APC: variants seen among roughly 807,000 people sequenced by gnomAD.
The protein encoded by APC is adenomatous polyposis coli protein.
A neutral mutation model predicts 247.0 loss-of-function variants in APC; 72 were observed. The observed-to-expected ratio is 0.29, with a 90% CI of 0.24 to 0.35. APC has a LOEUF of 0.35. Ranked by LOEUF, APC falls within the 10% of genes least tolerant of loss-of-function variation. The pLI, the probability that APC is intolerant of heterozygous loss-of-function variation, is 1.00. For missense variants in APC, 3,400 were observed against 3,360.7 expected, an observed-to-expected ratio of 1.01 and a Z score of -0.29; for synonymous variants, 1,254 against 1,162.5, an observed-to-expected ratio of 1.08 and a Z score of -1.60.
At position 112,842,360 on chromosome 5, in the gene APC, C is replaced by G. The variant is rs1253813996; in HGVS notation, c.6766C>G (p.Pro2256Ala). Reference sequence around the variant, plus strand: ...TAAAAAAGGCCCACCCCTTAAGACTCCAGCCTCCAAAAGCCCTAGTGAAGG... The same window carrying G: ...TAAAAAAGGCCCACCCCTTAAGACTGCAGCCTCCAAAAGCCCTAGTGAAGG... ...VSKKGPPLKTPASKSPSEGQT... is the reference protein window; with the variant it reads ...VSKKGPPLKTAASKSPSEGQT... Residue 2256 changes from proline (P) to alanine (A), a missense_variant, in exon 16 of 16, where the codon CCA becomes GCA. Around this residue, in one of 9 missense-constraint regions of APC, gnomAD observed 1,788 missense variants for 1,649.5 expected, o/e 1.08. Coordinates refer to ENST00000257430, the MANE Select transcript of APC (RefSeq NM_000038.6). 1.2e-6 allele frequency: 2 copies of G among 1,613,892 alleles called. No individual in the cohort carries two copies. The highest frequency in any genetic ancestry group is 1.7e-6 in the Non-Finnish European group (2 of 1,179,928).
At chr5:112,755,446 A>G (rs1754863193) in intron 2 of APC, among the ~76,000 whole-genome samples, 1 of 152,140 alleles carries the variant, frequency 6.6e-6, no homozygotes, top group Non-Finnish European at 1.5e-5. Flanking sequence ...GATCAAGAAA[A>G]TCAGGATACC....
chr5:112,751,003 T>C (rs563199447), intron 1 of APC, among the ~76,000 whole-genome samples: 1 of 152,256 alleles, frequency 6.6e-6, no homozygotes, highest in East Asian at 1.9e-4. Flanking sequence ...TTTAATCATA[T>C]ACTGAATTTA....
chr5:112,844,021 G>A lies in APC; in HGVS notation c.8427G>A (p.Val2809=), dbSNP rs2150005169. ...GGCCATCTCAGATCCCAACTCCAGT[G>A]AATAACAACACAAAGAAGCGAGATT... is the stretch of plus-strand genomic sequence containing the variant. ...SARPSQIPTP[V]NNNTKKRDSK... Residue 2809 remains valine, a synonymous_variant, in exon 16 of 16, where the codon GTG becomes GTA. Coordinates refer to ENST00000257430, the MANE Select transcript of APC (RefSeq NM_000038.6). 6.2e-7 allele frequency: 1 copy of A among 1,602,414 alleles called. No individual in the cohort carries two copies. The highest frequency in any genetic ancestry group is 8.5e-7 in the Non-Finnish European group (1 of 1,176,398).
chr5:112,763,459 G>A (rs1755898440), intron 2 of APC, among the ~76,000 whole-genome samples: 1 of 151,096 alleles, frequency 6.6e-6, no homozygotes, highest in Admixed American at 6.6e-5. Context: ...AAAATGCTAT[G>A]GTTTATTTAA....
chr5:112,800,805 T>G (rs1285081462), intron 7 of APC, among the ~76,000 whole-genome samples: 1 of 152,082 alleles, frequency 6.6e-6, no homozygotes, highest in African/African-American at 2.4e-5. Flanking sequence ...ATCATTTTAT[T>G]TCACCTAACT....
rs10071425 is a variant in APC, at chr5:112,744,185, T to G, written c.-19+6260T>G. 0.4 allele frequency among the ~76,000 whole-genome samples: 60,927 copies of G among 151,778 alleles called. 14,727 individuals are homozygous for G. The highest frequency in any genetic ancestry group is 0.67 in the East Asian group (3,436 of 5,142). On this transcript the variant is annotated intron_variant, in intron 1 of 15. Coordinates refer to ENST00000257430, the MANE Select transcript of APC (RefSeq NM_000038.6). Reference sequence around the variant, plus strand: ...TGAAACACAGTTCAACCCATAACACTCCCTTAATACTTGGTACCTTGTGAA... The same window carrying G: ...TGAAACACAGTTCAACCCATAACACGCCCTTAATACTTGGTACCTTGTGAA...
intron 5 of APC, among the ~76,000 whole-genome samples, chr5:112,779,760 A>G (rs1046966585): frequency 1.3e-5 from 2 of 152,120 alleles, no homozygotes; most frequent in African/African-American, 2.4e-5. Flanking sequence ...CATGCAGACT[A>G]TTTCATCTCT....
At chr5:112,731,394 G>C (rs73216237) in intron 1 of APC, among the ~76,000 whole-genome samples, 4,028 of 152,300 alleles carry the variant, frequency 0.026, 187 homozygotes, top group African/African-American at 0.093. Context: ...AGCATCTGGT[G>C]AGGGCCTTCT....
In APC at chr5:112,838,048, C is replaced by T. The variant is rs1554084178; in HGVS notation, c.2454C>T (p.Asn818=). 6.2e-7 allele frequency: 1 copy of T among 1,614,040 alleles called. No homozygotes were observed. The highest frequency in any genetic ancestry group is 1.3e-5 in the African/African-American group (1 of 74,920). The part of the protein sequence containing the change: ...DNRSDNFNTG[N]MTVLSPYLNT... ...GGTCAGACAATTTTAATACTGGCAA[C>T]ATGACTGTCCTTTCACCATATTTGA... Residue 818 remains asparagine, a synonymous_variant, in exon 16 of 16, where the codon AAC becomes AAT. Coordinates refer to ENST00000257430, the MANE Select transcript of APC (RefSeq NM_000038.6).
chr5:112,830,510 A>G (rs943998310), intron 14 of APC, among the ~76,000 whole-genome samples: 10 of 152,364 alleles, frequency 6.6e-5, no homozygotes, highest in Admixed American at 2.0e-4. Context: ...TTTAAGTTAA[A>G]CATACACCTG....
rs777881096 is a variant in APC, at chr5:112,838,464, A to T, written c.2870A>T (p.Lys957Met). Residue 957 changes from lysine to methionine, a missense_variant, in exon 16 of 16, where the codon AAG becomes ATG. Physicochemically the swap from Lys to Met is moderately conservative, Grantham distance 95. Around this residue, in one of 9 missense-constraint regions of APC, gnomAD observed 715 missense variants for 656.6 expected, o/e 1.09. Coordinates refer to ENST00000257430, the MANE Select transcript of APC (RefSeq NM_000038.6). ...ATGCCTTATGCCAAATTAGAATACAAGAGATCTTCAAATGATAGTTTAAAT... is the reference window on the plus strand; with the variant it reads ...ATGCCTTATGCCAAATTAGAATACATGAGATCTTCAAATGATAGTTTAAAT... ...CSMPYAKLEYKRSSNDSLNSV... is the reference protein window; with the variant it reads ...CSMPYAKLEYMRSSNDSLNSV... 6.2e-7 allele frequency: 1 copy of T among 1,614,250 alleles called. No individual in the cohort carries two copies. Among genetic ancestry groups the T allele is most frequent in the Admixed American group, 1.7e-5 (1 of 60,028 alleles).
intron 4 of APC, among the ~76,000 whole-genome samples, chr5:112,771,817 T>A (rs963189838): frequency 1.1e-4 from 16 of 152,178 alleles, no homozygotes; most frequent in African/African-American, 3.9e-4. Flanking sequence ...CTTCTTAAAG[T>A]CATAGTTTAT....
In APC at chr5:112,707,561, G is replaced by A. The variant is rs1554060197; in HGVS notation, c.-157G>A. On this transcript the variant is annotated 5_prime_UTR_variant, in exon 1 of 14. Coordinates refer to the APC transcript ENST00000507379. ...GCAAGTAGCAAGGGGGCGGGGTGTG[G>A]CCGCCGGAAGCCTAGCCGCTGCTCG... The A allele has an allele frequency of 4.3e-6, 3 of 690,796 alleles. No individual in the cohort carries two copies. The highest frequency in any genetic ancestry group is 6.6e-6 in the Non-Finnish European group (3 of 451,870). The allele number at this position is 690,796 out of a possible 1,614,324, so 42.8% of individuals were successfully genotyped here.
rs776079894 is a variant in APC at position 112,839,267 on chromosome 5, G to A, written c.3673G>A (p.Ala1225Thr). The change falls in exon 16 of 16, where the codon GCC becomes ACC. Residue 1225 changes from alanine (A) to threonine (T), a missense_variant. Coordinates refer to ENST00000257430, the MANE Select transcript of APC (RefSeq NM_000038.6). The surrounding 1 kb of genome is among the most constrained non-coding windows in gnomAD (Gnocchi z 5.0). ...SENTSTPSSN[A>T]KRQNQLHPSS... ...GAATACGTCCACACCTTCATCTAATGCCAAGAGGCAGAATCAGCTCCATCC... is the reference window on the plus strand; with the variant it reads ...GAATACGTCCACACCTTCATCTAATACCAAGAGGCAGAATCAGCTCCATCC... 1 of 1,614,112 alleles carries A rather than the reference G, an allele frequency of 6.2e-7. No individual in the cohort carries two copies. The highest frequency in any genetic ancestry group is 1.7e-5 in the Admixed American group (1 of 60,008).
chr5:112,792,263 A>G (rs2149683298), intron 6 of APC, among the ~76,000 whole-genome samples, 183 bp from the exon 7 acceptor site: 2 of 152,278 alleles, frequency 1.3e-5, no homozygotes, highest in African/African-American at 4.8e-5. Flanking sequence ...AAAGAAAAAA[A>G]GAAAAGAAAA....
chr5:112,737,005 G>T (rs971389078), upstream of APC, among the ~76,000 whole-genome samples: 4 of 152,146 alleles, frequency 2.6e-5, no homozygotes, highest in Non-Finnish European at 4.4e-5. Context: ...CAGAATTTAA[G>T]TTTAACTTTA....
chr5:112,775,928 T>A (rs565250666), intron 5 of APC, among the ~76,000 whole-genome samples, 191 bp downstream of exon 5: 1 of 152,216 alleles, frequency 6.6e-6, no homozygotes, highest in African/African-American at 2.4e-5. Context: ...TAAAACTTTA[T>A]TGTGCTCAAA....
chr5:112,842,479 A>G lies in APC; in HGVS notation c.6885A>G (p.Ser2295=), dbSNP rs763506865. The G allele has an allele frequency of 3.1e-6, 5 of 1,614,042 alleles. No homozygotes were observed. The Admixed American group carries it at 6.7e-5, about 22-fold the overall frequency. The change falls in exon 16 of 16, where the codon TCA becomes TCG. Residue 2295 remains serine (S), a synonymous_variant. Coordinates refer to ENST00000257430, the MANE Select transcript of APC (RefSeq NM_000038.6). ...GGCAGACATCCCAAATAGGTGGGTC[A>G]AGTAAAGCACCTTCTAGATCAGGAT... is the stretch of plus-strand genomic sequence containing the variant. ...VARQTSQIGG[S]SKAPSRSGSR... is the part of the protein sequence containing the mutation.
intron 2 of APC, among the ~76,000 whole-genome samples, chr5:112,764,078 TAAAAAA>T (rs36096224): frequency 7.2e-6 from 1 of 139,690 alleles, no homozygotes; most frequent in Non-Finnish European, 1.5e-5. Flanking sequence ...TCTACTATAC[TAAAAAA>T]AAAAAAAAAA....
Sources: allele counts gnomAD v4.1 joint callset (sites outside exome capture counted in the v4.1 genomes callset), GRCh38; gene constraint gnomAD v4.1.1; regional missense constraint gnomAD v4.1.1; non-coding constraint Gnocchi (gnomAD v3.1); transcripts MANE v1.5; gene names NCBI Gene and HGNC (gene_info 2026-07-23, HGNC 2026-07-21).